Variants in TUBGCP3 observed in about 807,000 individuals in gnomAD.
TUBGCP3 encodes the protein gamma-tubulin complex component 3.
TUBGCP3 carries 50 observed loss-of-function variants against 123.1 expected under a neutral mutation model. The ratio of observed to expected loss-of-function variants is 0.41; its 90% CI spans 0.32 to 0.51. The LOEUF is 0.51. Ranked by LOEUF, TUBGCP3 falls within the 20% of genes least tolerant of loss-of-function variation. The pLI is 0.36. For missense variants in TUBGCP3, 882 were observed against 1,127.0 expected, an observed-to-expected ratio of 0.78 and a Z score of 3.11; for synonymous variants, 405 against 413.9, an observed-to-expected ratio of 0.98 and a Z score of 0.26.
intron 11 of TUBGCP3, among the ~76,000 whole-genome samples, chr13:112,538,044 A>G (rs1234294558): frequency 6.6e-6 from 1 of 152,210 alleles, no homozygotes; most frequent in Non-Finnish European, 1.5e-5. Context: ...TCTGATGAGA[A>G]ATCGGCTATT....
chr13:112,583,891 T>C (rs936373572), intron 1 of TUBGCP3: 1 of 152,208 alleles, frequency 6.6e-6, no homozygotes, highest in Admixed American at 6.5e-5. Flanking sequence ...CAAGTCAGAG[T>C]AACTTATCAC....
intron 11 of TUBGCP3, among the ~76,000 whole-genome samples, chr13:112,534,525 C>T (rs866933922): frequency 6.6e-6 from 1 of 151,484 alleles, no homozygotes; most frequent in African/African-American, 2.4e-5. Flanking sequence ...CCAGCCTGGG[C>T]GACAGAGGGA....
upstream of TUBGCP3, among the ~76,000 whole-genome samples, chr13:112,590,600 T>G (rs1023283566): frequency 6.6e-6 from 1 of 152,104 alleles, no homozygotes; most frequent in East Asian, 1.9e-4. Context: ...GCAGCAGCCT[T>G]GGCGGTAAGT....
intron 11 of TUBGCP3, among the ~76,000 whole-genome samples, chr13:112,529,414 T>A (rs1019996985): frequency 7.2e-5 from 11 of 152,254 alleles, no homozygotes; most frequent in Admixed American, 6.5e-4. Flanking sequence ...AAGCATCTGA[T>A]AATGCCTCTA....
intron 11 of TUBGCP3, among the ~76,000 whole-genome samples, chr13:112,533,923 G>GTAC (rs1555340616): frequency 6.6e-6 from 1 of 151,064 alleles, no homozygotes; most frequent in Non-Finnish European, 1.5e-5. Flanking sequence ...CCCGAGCAGT[G>GTAC]TACACTGCAC....
intron 3 of TUBGCP3, among the ~76,000 whole-genome samples, chr13:112,563,272 T>G (rs1880665961): frequency 6.6e-6 from 1 of 152,138 alleles, no homozygotes; most frequent in Non-Finnish European, 1.5e-5. Flanking sequence ...GGGCCCTAAC[T>G]AAGACAAGAT....
At position 112,508,532 on chromosome 13, in the gene TUBGCP3, C is replaced by CA. The variant is rs1376168808; in HGVS notation, c.2087-3819dup. Among the ~76,000 whole-genome samples, 1 of 152,148 alleles carries CA rather than the reference C, an allele frequency of 6.6e-6. No homozygotes were observed. Among genetic ancestry groups the CA allele is most frequent in the Non-Finnish European group, 1.5e-5 (1 of 68,022 alleles). ...CTAGCCACGGCACCCTGTGAGACTGCAGTTCCCACGCACTGATGTCCCTTC... is the reference window on the plus strand; with the variant it reads ...CTAGCCACGGCACCCTGTGAGACTGCAAGTTCCCACGCACTGATGTCCCTTC... On this transcript the variant is annotated intron_variant, in intron 17 of 21. Transcript: ENST00000261965. This position sits in a 1 kb window ranked among gnomAD's most constrained non-coding sequence, Gnocchi z 4.2.
At position 112,545,431 on chromosome 13, in the gene TUBGCP3, G is replaced by T. The variant is rs117039692; in HGVS notation, c.1335+268C>A. 3 of 383,808 alleles carry T rather than the reference G, an allele frequency of 7.8e-6. No individual in the cohort carries two copies. In the South Asian group the frequency reaches 1.3e-4, roughly 17 times the overall value. The allele number at this position is 383,808 out of a possible 1,614,324, so 23.8% of individuals were successfully genotyped here. A position where few individuals can be genotyped will look rare whatever the true frequency, so the allele number is the denominator to read the frequency against. ...GGCCTCGTCCTGTTTTGCCATCCAC[G>T]TGCTAGTAAACTCGGACGAGTGATT... On this transcript the variant is annotated intron_variant, in intron 11 of 21. Coordinates refer to ENST00000261965, the MANE Select transcript of TUBGCP3 (RefSeq NM_006322.6). The surrounding 1 kb of genome is among the most constrained non-coding windows in gnomAD (Gnocchi z 4.1).
intron 10 of TUBGCP3, chr13:112,547,165 C>T: frequency 2.9e-6 from 1 of 339,278 alleles, no homozygotes; most frequent in Non-Finnish European, 5.3e-6. Flanking sequence ...CAACATGGTC[C>T]CTGACTGCAG....
intron 19 of TUBGCP3, 85 bp downstream of exon 19, chr13:112,503,947 T>C (rs1881101606): frequency 6.7e-7 from 1 of 1,491,754 alleles, no homozygotes; most frequent in East Asian, 2.3e-5. Context: ...ATCAGGGCAT[T>C]TCTAAGATTC....
intron 5 of TUBGCP3, 31 bp from the exon 6 acceptor site, chr13:112,556,255 T>C (rs1317832704): frequency 1.6e-5 from 26 of 1,596,920 alleles, no homozygotes; most frequent in Non-Finnish European, 2.1e-5. Context: ...TATCTTCTAA[T>C]AGGCTATTCG....
intron 19 of TUBGCP3, among the ~76,000 whole-genome samples, chr13:112,502,539 CTTCTTT>C (rs941247982): frequency 1.0e-4 from 13 of 129,872 alleles, no homozygotes; most frequent in Non-Finnish European, 1.9e-4. Context: ...AAGTACATTT[CTTCTTT>C]TTTTTTTTTT....
At chr13:112,579,645 G>A (rs532989813) in intron 1 of TUBGCP3, among the ~76,000 whole-genome samples, 15 of 149,186 alleles carry the variant, frequency 1.0e-4, no homozygotes, top group East Asian at 6.0e-4. Flanking sequence ...ACTGCTGAGT[G>A]GGGGTGGAGC....
chr13:112,562,783 G>C (rs1474542511), intron 3 of TUBGCP3, among the ~76,000 whole-genome samples: 2 of 152,208 alleles, frequency 1.3e-5, no homozygotes, highest in Admixed American at 1.3e-4. Flanking sequence ...TTAAAACTGT[G>C]CACAAACTGA....
chr13:112,509,600 G>A (rs1881533391), intron 17 of TUBGCP3, among the ~76,000 whole-genome samples: 1 of 152,142 alleles, frequency 6.6e-6, no homozygotes, highest in South Asian at 2.1e-4. Flanking sequence ...ATCTTTTATT[G>A]TGTCTACAAT....
chr13:112,494,231 G>A (rs1880370334), intron 20 of TUBGCP3, among the ~76,000 whole-genome samples: 1 of 152,184 alleles, frequency 6.6e-6, no homozygotes, highest in Non-Finnish European at 1.5e-5. Context: ...CTTCCATTGG[G>A]CACTACACCT....
intron 1 of TUBGCP3, among the ~76,000 whole-genome samples, chr13:112,572,697 G>A (rs941649968): frequency 5.3e-5 from 8 of 152,104 alleles, no homozygotes; most frequent in Non-Finnish European, 1.0e-4. Context: ...TTTTGATTAA[G>A]TTTGCGCACT....
Position 112,508,272 on chromosome 13 carries a change from T to G in TUBGCP3, c.2087-3558A>C, listed in dbSNP as rs1259025003. ...TCACTCTGAATCCATCTATTCCTCC[T>G]CTGTGATTTTCAGCCTCCCCCTCCT... On this transcript the variant is annotated intron_variant, in intron 17 of 21. Coordinates refer to ENST00000261965, the MANE Select transcript of TUBGCP3 (RefSeq NM_006322.6). The surrounding 1 kb of genome is among the most constrained non-coding windows in gnomAD (Gnocchi z 4.2). Among the ~76,000 whole-genome samples, 2 of 152,186 alleles carry G rather than the reference T, an allele frequency of 1.3e-5. No individual in the cohort carries two copies. Among genetic ancestry groups the G allele is most frequent in the African/African-American group, 2.4e-5 (1 of 41,448 alleles).
At position 112,554,077 on chromosome 13, in the gene TUBGCP3, A is replaced by T; in HGVS notation, c.946T>A (p.Ser316Thr). 9 of 1,613,268 alleles carry T rather than the reference A, an allele frequency of 5.6e-6. No homozygotes were observed. Among genetic ancestry groups the T allele is most frequent in the Non-Finnish European group, 7.6e-6 (9 of 1,179,804 alleles). The stretch of plus-strand genomic sequence containing the variant: ...CGCACCTGCCCGACGAGTCCGAATG[A>T]GCGGTCCAGGCTCCTCTGGTCCGTG... ...RYTDQRSLDR[S>T]FGLVGQSFCA... The change falls in exon 8 of 22, where the codon TCA (serine) becomes ACA (threonine). Residue 316 changes from serine (S) to threonine (T), a missense_variant. Transcript: ENST00000261965.
Sources: allele counts gnomAD v4.1 joint callset (sites outside exome capture counted in the v4.1 genomes callset), GRCh38; gene constraint gnomAD v4.1.1; non-coding constraint Gnocchi (gnomAD v3.1); transcripts MANE v1.5; gene names NCBI Gene and HGNC (gene_info 2026-07-23, HGNC 2026-07-21).